SYK: variants seen among roughly 807,000 people sequenced by gnomAD.
SYK encodes tyrosine-protein kinase SYK.
SYK carries 16 observed loss-of-function variants against 77.8 expected under a neutral mutation model. That is an observed-to-expected ratio of 0.21 (90% CI 0.14 to 0.31). The LOEUF (loss-of-function observed/expected upper bound fraction) is 0.31, where lower values mean the gene tolerates loss of function less well. SYK is among the 10% of genes least tolerant of loss of function. The pLI, the probability that SYK is intolerant of heterozygous loss-of-function variation, is 1.00. For missense variants in SYK, 529 were observed against 814.4 expected (o/e 0.65, Z 4.26); for synonymous variants, 312 against 308.7 (o/e 1.01, Z -0.11).
chr9:90,872,238 AG>A (rs1484558730), intron 7 of SYK, among the ~76,000 whole-genome samples: 8 of 152,202 alleles, frequency 5.3e-5, no homozygotes, highest in African/African-American at 1.9e-4. Context: ...CTGCAACCCC[AG>A]GATAATGTCC....
intron 7 of SYK, 92 bp downstream of exon 7, chr9:90,867,291 T>G: frequency 7.7e-7 from 1 of 1,299,690 alleles, no homozygotes. Flanking sequence ...GTGTGTGCGC[T>G]GCCCCCCATC....
intron 3 of SYK, among the ~76,000 whole-genome samples, chr9:90,851,990 T>C (rs1262295394): frequency 1.3e-5 from 2 of 152,186 alleles, no homozygotes; most frequent in South Asian, 2.1e-4. Context: ...GAAAAGATAA[T>C]GTAATATTTT....
rs762923649 is a variant in SYK, at chr9:90,865,056, A to C, written c.805A>C (p.Asn269His). 6.2e-7 allele frequency: 1 copy of C among 1,613,980 alleles called. No homozygotes were observed. The highest frequency in any genetic ancestry group is 8.5e-7 in the Non-Finnish European group (1 of 1,180,004). ...ATGCTCTCTCTAACCAGGAAATGTT[A>C]ATTTTGGAGGCCGTCCACAACTTCC... ...CQKIGTQGNVNFGGRPQLPGS... is the reference protein window; with the variant it reads ...CQKIGTQGNVHFGGRPQLPGS... Residue 269 changes from asparagine to histidine, a missense_variant, in exon 6 of 14, where the codon AAT becomes CAT. Physicochemically the swap from Asn to His is moderately conservative, Grantham distance 68. Transcript: ENST00000375754.
intron 5 of SYK, 113 bp from the exon 6 acceptor site, chr9:90,864,935 C>A: frequency 9.3e-7 from 1 of 1,070,872 alleles, no homozygotes; most frequent in Non-Finnish European, 1.4e-6. Flanking sequence ...AGAAAGCGTG[C>A]TCACTTCTCA....
intron 1 of SYK, among the ~76,000 whole-genome samples, chr9:90,810,002 C>T (rs189800837): frequency 3.3e-5 from 5 of 152,142 alleles, no homozygotes; most frequent in Admixed American, 2.6e-4. Context: ...GAAAGGCAAG[C>T]GTTTGTGAGG....
chr9:90,885,634 C>A (rs1828535491), intron 11 of SYK, among the ~76,000 whole-genome samples: 1 of 152,174 alleles, frequency 6.6e-6, no homozygotes, highest in Non-Finnish European at 1.5e-5. Context: ...TAGATCAAAA[C>A]TTCCCAAATA....
intron 7 of SYK, among the ~76,000 whole-genome samples, chr9:90,868,013 G>A (rs548960735): frequency 6.6e-6 from 1 of 151,932 alleles, no homozygotes; most frequent in African/African-American, 2.4e-5. Context: ...CGACATTTTA[G>A]CATATAATTG....
In SYK at chr9:90,853,578, G is replaced by A. The variant is rs1394361895; in HGVS notation, c.578+7984G>A. On this transcript the variant is annotated intron_variant, in intron 3 of 13. Coordinates refer to ENST00000375754, the MANE Select transcript of SYK (RefSeq NM_003177.7). The stretch of plus-strand genomic sequence containing the variant: ...GAGTTCATGTCCTTTGTAGGGACAC[G>A]GATGAAATTGGAAATCATCATTCTC... 3.9e-5 allele frequency among the ~76,000 whole-genome samples: 6 copies of A among 152,114 alleles called. 1 individual carries two copies. Among genetic ancestry groups the A allele is most frequent in the African/African-American group, 9.6e-5 (4 of 41,470 alleles).
intron 3 of SYK, among the ~76,000 whole-genome samples, chr9:90,846,377 T>C (rs1273446839): frequency 2.6e-5 from 4 of 152,236 alleles, no homozygotes; most frequent in Non-Finnish European, 5.9e-5. Context: ...GAAACAGCGA[T>C]GCAGCCTCAT....
intron 13 of SYK, among the ~76,000 whole-genome samples, chr9:90,894,813 G>A (rs1828921465): frequency 6.6e-6 from 1 of 152,218 alleles, no homozygotes; most frequent in South Asian, 2.1e-4. Flanking sequence ...AAACAGAAGT[G>A]TCTGTAAGTG....
At chr9:90,855,032 A>ACAC (rs778542337) in intron 3 of SYK, among the ~76,000 whole-genome samples, 8 of 151,208 alleles carry the variant, frequency 5.3e-5, no homozygotes, top group Non-Finnish European at 1.2e-4. Flanking sequence ...ACACACACAC[A>ACAC]CACACACTTG....
At chr9:90,823,670 C>T (rs1424840600) in intron 1 of SYK, among the ~76,000 whole-genome samples, 1 of 151,848 alleles carries the variant, frequency 6.6e-6, no homozygotes, top group Non-Finnish European at 1.5e-5. Context: ...GAAGAAGTCT[C>T]CAAAATCTAA....
At chr9:90,854,343 G>A (rs1015875149) in intron 3 of SYK, among the ~76,000 whole-genome samples, 9 of 152,178 alleles carry the variant, frequency 5.9e-5, no homozygotes, top group African/African-American at 2.2e-4. Context: ...GTTTGCAGAT[G>A]TCTGGAGAGA....
intron 3 of SYK, among the ~76,000 whole-genome samples, chr9:90,848,810 A>G (rs1441485015): frequency 6.6e-6 from 1 of 152,226 alleles, no homozygotes; most frequent in East Asian, 1.9e-4. Flanking sequence ...ACGCTGAACA[A>G]TAGGAAAGAA....
intron 1 of SYK, among the ~76,000 whole-genome samples, chr9:90,805,995 A>G (rs1008898243): frequency 1.3e-5 from 2 of 152,238 alleles, no homozygotes; most frequent in African/African-American, 2.4e-5. Context: ...ATCCCAGGAT[A>G]ATTATTCTCT....
chr9:90,827,121 C>T (rs191536392), intron 1 of SYK, among the ~76,000 whole-genome samples: 2 of 151,938 alleles, frequency 1.3e-5, no homozygotes, highest in African/African-American at 4.8e-5. Context: ...AGGAAAACCT[C>T]GCTATACCCA....
chr9:90,863,129 G>C (rs1827341804), intron 4 of SYK, among the ~76,000 whole-genome samples: 1 of 152,212 alleles, frequency 6.6e-6, no homozygotes, highest in South Asian at 2.1e-4. Context: ...CAGATTGCTT[G>C]TCTTAATTTT....
At chr9:90,833,132 GA>G (rs1276549800) in intron 1 of SYK, among the ~76,000 whole-genome samples, 1 of 152,190 alleles carries the variant, frequency 6.6e-6, no homozygotes, top group African/African-American at 2.4e-5. Flanking sequence ...GGGCTTTCAT[GA>G]GCTAGCTTCA....
chr9:90,831,129 A>C (rs574353521), intron 1 of SYK, among the ~76,000 whole-genome samples: 126 of 152,290 alleles, frequency 8.3e-4, no homozygotes, highest in Non-Finnish European at 1.6e-3. Flanking sequence ...TTCCCAGAGA[A>C]CCACTTATTT....
Sources: gnomAD v4.1 joint callset for allele counts (sites outside exome capture counted in the v4.1 genomes callset) on GRCh38, gnomAD v4.1.1 for gene constraint, MANE v1.5 for transcripts, NCBI Gene and HGNC (gene_info 2026-07-23, HGNC 2026-07-21) for gene names.